DNAH6: variants seen among roughly 807,000 people sequenced by gnomAD.
DNAH6 encodes axonemal beta dynein heavy chain 6.
A neutral mutation model predicts 491.4 loss-of-function variants in DNAH6; 340 were observed. That is an observed-to-expected ratio of 0.69 (90% CI 0.63 to 0.76). The LOEUF is 0.76. Ranked by LOEUF, DNAH6 falls within the 30% of genes least tolerant of loss-of-function variation. The pLI is 0.00. For synonymous variants in DNAH6, 1,603 were observed against 1,686.1 expected, an observed-to-expected ratio of 0.95 and a Z score of 1.21; for missense variants, 4,443 against 4,972.2, an observed-to-expected ratio of 0.89 and a Z score of 3.20.
rs1291973140 is a variant in DNAH6 at position 84,801,125 on chromosome 2, T to C, written c.11481+3467T>C. 1.5e-4 allele frequency among the ~76,000 whole-genome samples: 21 copies of C among 144,134 alleles called. No homozygotes were observed. The East Asian group carries it at 3.7e-3, about 25-fold the overall frequency. 94.6% of individuals were successfully genotyped at this position (144,134 alleles called of 152,430 possible). A position where few individuals can be genotyped will look rare whatever the true frequency, so the allele number is the denominator to read the frequency against. On this transcript the variant is annotated intron_variant, in intron 70 of 76. Coordinates refer to ENST00000389394, the MANE Select transcript of DNAH6 (RefSeq NM_001370.2). ...GTGGGGGGAGGGGGGAGGGATAGCA[T>C]TGGGAGATATACCTAATGCTAGATG...
chr2:84,766,155 A>G (rs942251062), intron 64 of DNAH6, among the ~76,000 whole-genome samples: 2 of 152,012 alleles, frequency 1.3e-5, no homozygotes, highest in Non-Finnish European at 2.9e-5. Flanking sequence ...AACTGTCATG[A>G]AGCAAACAAA....
At chr2:84,599,885 A>G (rs930737669) in intron 18 of DNAH6, among the ~76,000 whole-genome samples, 1 of 152,184 alleles carries the variant, frequency 6.6e-6, no homozygotes, top group Admixed American at 6.5e-5. Context: ...TAGCTTCTCA[A>G]TATCTATAAA....
chr2:84,656,590 G>A (rs1202250799), intron 35 of DNAH6, among the ~76,000 whole-genome samples: 1 of 151,948 alleles, frequency 6.6e-6, no homozygotes, highest in Non-Finnish European at 1.5e-5. Context: ...TATTTCATGA[G>A]GTGCCTATTA....
intron 11 of DNAH6, among the ~76,000 whole-genome samples, chr2:84,561,330 G>C (rs1680649980): frequency 6.6e-6 from 1 of 152,138 alleles, no homozygotes; most frequent in African/African-American, 2.4e-5. Context: ...AAACTGGCTA[G>C]CCATATGCAG....
intron 42 of DNAH6, among the ~76,000 whole-genome samples, chr2:84,683,426 T>TTTA (rs1558904685): frequency 6.8e-6 from 1 of 146,536 alleles, no homozygotes; most frequent in Non-Finnish European, 1.5e-5. Context: ...TTTTTTTTTT[T>TTTA]TTTTTTTTTT....
the DNAH6 span, among the ~76,000 whole-genome samples, chr2:84,467,015 T>G: frequency 6.6e-6 from 1 of 152,212 alleles, no homozygotes; most frequent in Admixed American, 6.5e-5. Context: ...AACACCGTTT[T>G]TACAAATTTT....
Position 84,771,073 on chromosome 2 carries a change from G to C in DNAH6, c.10703+8128G>C, listed in dbSNP as rs61649291. 9.8e-3 allele frequency among the ~76,000 whole-genome samples: 1,498 copies of C among 152,130 alleles called. 22 individuals are homozygous for C. The highest frequency in any genetic ancestry group is 0.035 in the African/African-American group (1,446 of 41,504). ...GGAGGCCAAGGTAGGTGGATCACCA[G>C]AGGTCAGGAGTTTGAGACCAGCTTG... On this transcript the variant is annotated intron_variant, in intron 64 of 76. Coordinates refer to ENST00000389394, the MANE Select transcript of DNAH6 (RefSeq NM_001370.2).
intron 11 of DNAH6, among the ~76,000 whole-genome samples, chr2:84,559,410 A>C (rs901578460): frequency 3.3e-5 from 5 of 152,154 alleles, no homozygotes; most frequent in African/African-American, 1.2e-4. Context: ...CTGAAAATGT[A>C]AGTGCTGCAA....
At chr2:84,584,485 G>T (rs1683345090) in intron 15 of DNAH6, 1 of 460,660 alleles carries the variant, frequency 2.2e-6, no homozygotes. Context: ...ACCATTTAGA[G>T]AACACATTTA....
Position 84,577,428 on chromosome 2 carries a change from A to G in DNAH6, c.2076+20A>G. On this transcript the variant is annotated intron_variant, in intron 13 of 76. Transcript: ENST00000389394. ...TTAGAGGTAACTATAAACTAGAAAAAAAAATAATTATTCCTCTACAATTAT... is the reference window on the plus strand; with the variant it reads ...TTAGAGGTAACTATAAACTAGAAAAGAAAATAATTATTCCTCTACAATTAT... The G allele has an allele frequency of 6.6e-7, 1 of 1,517,150 alleles. No individual in the cohort carries two copies. The highest frequency in any genetic ancestry group is 8.9e-7 in the Non-Finnish European group (1 of 1,122,986). The allele number at this position is 1,517,150 out of a possible 1,614,324, so 94.0% of individuals were successfully genotyped here.
chr2:84,494,194 C>G, the DNAH6 span, among the ~76,000 whole-genome samples: 1 of 152,148 alleles, frequency 6.6e-6, no homozygotes, highest in African/African-American at 2.4e-5. Flanking sequence ...AACCTCAGCC[C>G]AGGACTCACA....
chr2:84,685,718 G>A (rs1214331390), intron 43 of DNAH6, among the ~76,000 whole-genome samples: 1 of 151,918 alleles, frequency 6.6e-6, no homozygotes, highest in African/African-American at 2.4e-5. Flanking sequence ...TCGGTGGCTG[G>A]GTACTTGGAT....
At chr2:84,761,525 G>T (rs888640665) in intron 63 of DNAH6, among the ~76,000 whole-genome samples, 8 of 152,064 alleles carry the variant, frequency 5.3e-5, no homozygotes, top group Non-Finnish European at 1.2e-4. Context: ...ATGCTGGAAA[G>T]GTTAAGTGAA....
chr2:84,688,552 A>T lies in DNAH6; in HGVS notation c.7251A>T (p.Val2417=). 1 of 1,544,768 alleles carries T rather than the reference A, an allele frequency of 6.5e-7. No homozygotes were observed. The highest frequency in any genetic ancestry group is 8.7e-7 in the Non-Finnish European group (1 of 1,145,650). ...DDYNLTNPKE[V]KLVFFQDAIE... ...ATAATCTCACAAATCCCAAAGAAGT[A>T]AAGTTGGTGTTCTTCCAGGATGCTA... The change falls in exon 45 of 77, where the codon GTA becomes GTT. Residue 2417 remains valine (V), a synonymous_variant. Coordinates refer to ENST00000389394, the MANE Select transcript of DNAH6 (RefSeq NM_001370.2).
chr2:84,745,538 C>T (rs750024605), intron 63 of DNAH6, among the ~76,000 whole-genome samples: 5 of 151,994 alleles, frequency 3.3e-5, no homozygotes, highest in Admixed American at 6.6e-5. Context: ...TGGTGGCAGG[C>T]GCCTGTAGTC....
chr2:84,672,754 A>G (rs1692856617), intron 40 of DNAH6, among the ~76,000 whole-genome samples: 1 of 152,154 alleles, frequency 6.6e-6, no homozygotes, highest in Non-Finnish European at 1.5e-5. Flanking sequence ...GACACCTGTC[A>G]TACTGGATTA....
At chr2:84,746,918 A>G (rs1028215246) in intron 63 of DNAH6, among the ~76,000 whole-genome samples, 4 of 152,148 alleles carry the variant, frequency 2.6e-5, no homozygotes, top group Non-Finnish European at 5.9e-5. Flanking sequence ...GGAGGGAGAC[A>G]CCAGACTGTT....
At chr2:84,727,354 A>G (rs1698732519) in intron 60 of DNAH6, among the ~76,000 whole-genome samples, 1 of 152,138 alleles carries the variant, frequency 6.6e-6, no homozygotes, top group Non-Finnish European at 1.5e-5. Context: ...TAAGTCCTCA[A>G]TGTTGTGGAT....
At chr2:84,643,025 A>G (rs185983705) in intron 33 of DNAH6, among the ~76,000 whole-genome samples, 13 of 152,248 alleles carry the variant, frequency 8.5e-5, no homozygotes, top group African/African-American at 2.4e-4. Context: ...TCGTCTCTCT[A>G]AAGAACTGCT....
Sources: allele counts gnomAD v4.1 joint callset (sites outside exome capture counted in the v4.1 genomes callset), GRCh38; gene constraint gnomAD v4.1.1; transcripts MANE v1.5; gene names NCBI Gene and HGNC (gene_info 2026-07-23, HGNC 2026-07-21).